Variants in FARS2 observed in about 807,000 individuals in gnomAD.
The protein encoded by FARS2 is phenylalanyl-tRNA synthetase 2, mitochondrial, also known as phenylalanine--tRNA ligase, mitochondrial.
A neutral mutation model predicts 46.4 loss-of-function variants in FARS2; 40 were observed. That is an observed-to-expected ratio of 0.86 (90% confidence interval 0.67 to 1.12). FARS2 has a LOEUF of 1.12. Ranked by LOEUF, FARS2 falls within the 50% of genes most tolerant of loss-of-function variation. The pLI is 0.00. For missense variants in FARS2, 513 were observed against 567.9 expected (o/e 0.90, Z 0.98); for synonymous variants, 234 against 214.9 (o/e 1.09, Z -0.78).
intron 4 of FARS2, among the ~76,000 whole-genome samples, chr6:5,542,044 G>A (rs1770670515): frequency 1.3e-5 from 2 of 152,186 alleles, no homozygotes; most frequent in South Asian, 4.1e-4. Flanking sequence ...CCAGCAATGA[G>A]GAGGACCACA....
intron 3 of FARS2, among the ~76,000 whole-genome samples, chr6:5,415,141 C>T (rs997472010): frequency 6.0e-5 from 9 of 151,088 alleles, no homozygotes; most frequent in East Asian, 2.0e-4. Context: ...AAGAAACTGT[C>T]GAACTGTTCA....
intron 3 of FARS2, among the ~76,000 whole-genome samples, chr6:5,422,765 C>T (rs187078710): frequency 2.6e-5 from 4 of 152,186 alleles, no homozygotes; most frequent in African/African-American, 9.6e-5. Context: ...GTCAGTTACC[C>T]AGGAACACAA....
chr6:5,635,661 G>A (rs897209339), intron 6 of FARS2, among the ~76,000 whole-genome samples: 8 of 152,150 alleles, frequency 5.3e-5, no homozygotes, highest in African/African-American at 1.2e-4. Flanking sequence ...ATCGGAACAC[G>A]CACCCAGCCC....
Position 5,755,761 on chromosome 6 carries a change from C to G in FARS2, c.1218-15530C>G, listed in dbSNP as rs530615984. Reference sequence around the variant, plus strand: ...TCCTGAGACAATCCCCTGTGGCCAGCCTTTTCCTCAGTGCTGTTTCTGCAT... The same window carrying G: ...TCCTGAGACAATCCCCTGTGGCCAGGCTTTTCCTCAGTGCTGTTTCTGCAT... On this transcript the variant is annotated intron_variant, in intron 6 of 6. Transcript: ENST00000274680. Among the ~76,000 whole-genome samples, 48 of 152,246 alleles carry G rather than the reference C, an allele frequency of 3.2e-4. No homozygotes were observed. The South Asian group carries it at 9.7e-3, about 31-fold the overall frequency.
At chr6:5,601,934 A>G (rs1774544300) in intron 5 of FARS2, among the ~76,000 whole-genome samples, 1 of 152,234 alleles carries the variant, frequency 6.6e-6, no homozygotes, top group Admixed American at 6.5e-5. Flanking sequence ...TTAGAAGCTG[A>G]CTCAAAGTCA....
intron 6 of FARS2, among the ~76,000 whole-genome samples, chr6:5,619,993 T>C (rs1360672637): frequency 6.6e-6 from 1 of 152,186 alleles, no homozygotes; most frequent in Admixed American, 6.5e-5. Context: ...GTTTTCCATA[T>C]GTGCGCATCA....
At chr6:5,525,138 C>T (rs1769380506) in intron 4 of FARS2, among the ~76,000 whole-genome samples, 1 of 151,974 alleles carries the variant, frequency 6.6e-6, no homozygotes, top group Non-Finnish European at 1.5e-5. Flanking sequence ...TGCCGACGTA[C>T]AGCCTCTGCT....
At chr6:5,337,147 A>G (rs151274039) in intron 1 of FARS2, among the ~76,000 whole-genome samples, 35 of 150,968 alleles carry the variant, frequency 2.3e-4, no homozygotes, top group African/African-American at 8.0e-4. Context: ...ATGAGATTAT[A>G]TATGTATGTG....
At chr6:5,299,548 T>C (rs1326403329) in intron 1 of FARS2, among the ~76,000 whole-genome samples, 4 of 152,242 alleles carry the variant, frequency 2.6e-5, no homozygotes, top group African/African-American at 9.6e-5. Flanking sequence ...AGATGACACT[T>C]GGGGTTCAGG....
chr6:5,586,935 A>G (rs1295570538), intron 5 of FARS2, among the ~76,000 whole-genome samples: 2 of 152,174 alleles, frequency 1.3e-5, no homozygotes, highest in Non-Finnish European at 2.9e-5. Context: ...ATAACCTACC[A>G]AGGTTGAGGA....
At chr6:5,265,867 T>C (rs1045879217) in intron 1 of FARS2, among the ~76,000 whole-genome samples, 13 of 152,206 alleles carry the variant, frequency 8.5e-5, no homozygotes, top group Non-Finnish European at 1.9e-4. Context: ...TCATCCCTGA[T>C]GCTTGGGCCA....
In FARS2 at chr6:5,348,910, T is replaced by C. The variant is rs576482139; in HGVS notation, c.-21-19640T>C. 6.6e-5 allele frequency among the ~76,000 whole-genome samples: 10 copies of C among 152,256 alleles called. No homozygotes were observed. The South Asian group carries it at 1.2e-3, about 19-fold the overall frequency. ...AAGACTGAATGCTTTCCCTCTAAGATTGGGAAAACAACAAAGATGTCTGCT... is the reference window on the plus strand; with the variant it reads ...AAGACTGAATGCTTTCCCTCTAAGACTGGGAAAACAACAAAGATGTCTGCT... On this transcript the variant is annotated intron_variant, in intron 1 of 6. Transcript: ENST00000274680.
chr6:5,301,699 G>C (rs1768311171), intron 1 of FARS2, among the ~76,000 whole-genome samples: 3 of 151,914 alleles, frequency 2.0e-5, no homozygotes, highest in Non-Finnish European at 2.9e-5. Context: ...TTGCGGAGTG[G>C]CAACTAATAT....
At chr6:5,502,690 T>C (rs2150384279) in intron 4 of FARS2, among the ~76,000 whole-genome samples, 1 of 152,354 alleles carries the variant, frequency 6.6e-6, no homozygotes, top group East Asian at 1.9e-4. Context: ...AGAATGACTT[T>C]TCATTTAGGT....
chr6:5,268,918 C>T (rs1239815588), intron 1 of FARS2, among the ~76,000 whole-genome samples: 1 of 152,148 alleles, frequency 6.6e-6, no homozygotes, highest in Non-Finnish European at 1.5e-5. Context: ...AGGTCCTTCA[C>T]ATCCCTTGTA....
Position 5,474,949 on chromosome 6 carries a change from C to T in FARS2, c.904+43777C>T, listed in dbSNP as rs958400711. 1.1e-4 allele frequency among the ~76,000 whole-genome samples: 16 copies of T among 152,276 alleles called. No homozygotes were observed. The East Asian group carries it at 2.5e-3, about 24-fold the overall frequency. ...CTGGGATTACAGGCATGAGCCACCA[C>T]GCCGGTGCCCAGCCCAGTACTGTCA... On this transcript the variant is annotated intron_variant, in intron 4 of 6. Coordinates refer to ENST00000274680, the MANE Select transcript of FARS2 (RefSeq NM_006567.5).
chr6:5,392,527 G>A (rs1760583695), intron 2 of FARS2, among the ~76,000 whole-genome samples: 1 of 152,046 alleles, frequency 6.6e-6, no homozygotes, highest in South Asian at 2.1e-4. Context: ...TGATAGGAGA[G>A]TTATATATTT....
In FARS2 at chr6:5,681,756, T is replaced by G. The variant is rs373291744; in HGVS notation, c.1217+68436T>G. 3.9e-5 allele frequency among the ~76,000 whole-genome samples: 6 copies of G among 152,368 alleles called. No homozygotes were observed. In the South Asian group the frequency reaches 1.2e-3, roughly 32 times the overall value. Reference sequence around the variant, plus strand: ...CTCTAGCAAGGCCTTTGTTGAAGTCTTCTCAGCTTCCTTAGAGCTGTTGCT... The same window carrying G: ...CTCTAGCAAGGCCTTTGTTGAAGTCGTCTCAGCTTCCTTAGAGCTGTTGCT... On this transcript the variant is annotated intron_variant, in intron 6 of 6. Coordinates refer to ENST00000274680, the MANE Select transcript of FARS2 (RefSeq NM_006567.5).
intron 5 of FARS2, among the ~76,000 whole-genome samples, chr6:5,601,401 G>A (rs1487555937): frequency 2.0e-5 from 3 of 151,894 alleles, no homozygotes; most frequent in African/African-American, 4.8e-5. Flanking sequence ...GCGGGCGCCT[G>A]TAATCCCAGC....
Sources: gnomAD v4.1 joint callset for allele counts (sites outside exome capture counted in the v4.1 genomes callset) on GRCh38, gnomAD v4.1.1 for gene constraint, MANE v1.5 for transcripts, NCBI Gene and HGNC (gene_info 2026-07-23, HGNC 2026-07-21) for gene names.